RBFOX1: variants seen among roughly 807,000 people sequenced by gnomAD.
The protein encoded by RBFOX1 is RNA binding fox-1 homolog 1.
RBFOX1 carries 8 observed loss-of-function variants against 57.7 expected under a neutral mutation model. The ratio of observed to expected loss-of-function variants is 0.14; its 90% CI spans 0.08 to 0.25. The LOEUF is 0.25. RBFOX1 is among the 10% of genes least tolerant of loss of function. The pLI is 1.00. For synonymous variants in RBFOX1, 326 were observed against 222.4 expected, an observed-to-expected ratio of 1.47 and a Z score of -4.15; for missense variants, 611 against 548.5, an observed-to-expected ratio of 1.11 and a Z score of -1.14.
chr16:5,711,860 G>T (rs754066365), intron 3 of RBFOX1, among the ~76,000 whole-genome samples: 3 of 152,200 alleles, frequency 2.0e-5, no homozygotes, highest in Non-Finnish European at 4.4e-5. Context: ...GACAAAAATA[G>T]TAACAGCCTC....
chr16:5,833,494 CAA>C (rs1183168830), intron 3 of RBFOX1, among the ~76,000 whole-genome samples: 17 of 59,544 alleles, frequency 2.9e-4, no homozygotes, highest in South Asian at 1.2e-3. Context: ...GACTCTATCT[CAA>C]AAAAAAAAAA....
At chr16:5,943,838 C>G (rs746877430) in intron 4 of RBFOX1, among the ~76,000 whole-genome samples, 30 of 151,982 alleles carry the variant, frequency 2.0e-4, no homozygotes, top group Non-Finnish European at 3.8e-4. Flanking sequence ...TCGACCCACC[C>G]ATTTATCCAC....
chr16:6,753,600 C>G lies in RBFOX1; in HGVS notation c.-16+98950C>G, dbSNP rs553520751. ...GTGCAATTTCATCTCTTCATCAACT[C>G]CTGTAAGTAGAACCAGCAACAGAGC... On this transcript the variant is annotated intron_variant, in intron 3 of 15. Transcript: ENST00000550418. Among the ~76,000 whole-genome samples the G allele has an allele frequency of 1.3e-5, 2 of 152,272 alleles. 1 individual carries two copies. The highest frequency in any genetic ancestry group is 2.9e-5 in the Non-Finnish European group (2 of 68,024).
At chr16:7,709,587 T>C in intron 15 of RBFOX1, 1 of 1,530,452 alleles carries the variant, frequency 6.5e-7, no homozygotes, top group Admixed American at 2.0e-5. Flanking sequence ...TGACTGCCTC[T>C]CCTCCCCTAT....
intron 4 of RBFOX1, among the ~76,000 whole-genome samples, chr16:7,118,193 T>C (rs1277522589): frequency 6.6e-6 from 1 of 152,176 alleles, no homozygotes; most frequent in Non-Finnish European, 1.5e-5. Flanking sequence ...TGTGCTAATT[T>C]ACATTCCCAC....
chr16:6,902,589 G>A (rs552857715), intron 3 of RBFOX1, among the ~76,000 whole-genome samples: 1 of 152,232 alleles, frequency 6.6e-6, no homozygotes, highest in African/African-American at 2.4e-5. Flanking sequence ...AAGTATGGTG[G>A]CACACACCTG....
chr16:6,022,074 A>G (rs536152611), intron 1 of RBFOX1, among the ~76,000 whole-genome samples: 2 of 152,246 alleles, frequency 1.3e-5, no homozygotes, highest in East Asian at 1.9e-4. Context: ...GCATGTTCCA[A>G]GGAGGATCAC....
intron 1 of RBFOX1, among the ~76,000 whole-genome samples, chr16:6,287,949 C>G (rs990140676): frequency 6.6e-6 from 1 of 152,094 alleles, no homozygotes; most frequent in African/African-American, 2.4e-5. Flanking sequence ...TGATATCTTG[C>G]TAAAGAAAAA....
intron 1 of RBFOX1, among the ~76,000 whole-genome samples, chr16:5,414,289 C>T (rs982765382): frequency 6.6e-6 from 1 of 152,174 alleles, no homozygotes; most frequent in African/African-American, 2.4e-5. Flanking sequence ...ACAAGTCTCT[C>T]TCCCAGTTAT....
chr16:6,304,264 G>A (rs1327186661), intron 1 of RBFOX1, among the ~76,000 whole-genome samples: 1 of 151,760 alleles, frequency 6.6e-6, no homozygotes, highest in Non-Finnish European at 1.5e-5. Flanking sequence ...CTTCAGCCTG[G>A]GAAATACAGT....
At chr16:6,959,975 C>T (rs146519817) in intron 3 of RBFOX1, among the ~76,000 whole-genome samples, 270 of 152,158 alleles carry the variant, frequency 1.8e-3, no homozygotes, top group African/African-American at 6.1e-3. Flanking sequence ...AAAGCCAGTG[C>T]CCTTAAACAA....
At chr16:6,694,653 C>T (rs2060745030) in intron 3 of RBFOX1, among the ~76,000 whole-genome samples, 1 of 152,124 alleles carries the variant, frequency 6.6e-6, no homozygotes, top group South Asian at 2.1e-4. Context: ...TTATCATGGC[C>T]ATTGTTTTTC....
intron 1 of RBFOX1, among the ~76,000 whole-genome samples, chr16:5,362,757 A>G (rs2065590338): frequency 6.6e-6 from 1 of 151,802 alleles, no homozygotes; most frequent in African/African-American, 2.4e-5. Flanking sequence ...TGTGTGTTTG[A>G]CTGTTAGAGA....
chr16:5,949,453 G>C (rs1033012301), intron 4 of RBFOX1, among the ~76,000 whole-genome samples: 1 of 146,832 alleles, frequency 6.8e-6, no homozygotes, highest in African/African-American at 2.5e-5. Context: ...GTGAACCCGG[G>C]AGGCAGAGCT....
At chr16:7,548,541 G>T (rs541898141) in intron 5 of RBFOX1, among the ~76,000 whole-genome samples, 11 of 152,204 alleles carry the variant, frequency 7.2e-5, no homozygotes, top group Non-Finnish European at 1.3e-4. Context: ...ATCCCTCAAG[G>T]AACTCATCCT....
At chr16:5,267,599 C>T (rs1482476109) in intron 1 of RBFOX1, among the ~76,000 whole-genome samples, 1 of 152,074 alleles carries the variant, frequency 6.6e-6, no homozygotes, top group African/African-American at 2.4e-5. Flanking sequence ...TGCCTGGGCC[C>T]ACACATAAGG....
At chr16:7,450,592 C>T (rs1014375689) in intron 4 of RBFOX1, among the ~76,000 whole-genome samples, 3 of 152,038 alleles carry the variant, frequency 2.0e-5, no homozygotes, top group African/African-American at 4.8e-5. Context: ...AGGAAAAGAG[C>T]GTTAATGTGA....
intron 3 of RBFOX1, among the ~76,000 whole-genome samples, chr16:5,866,229 A>G (rs111622963): frequency 0.022 from 3,386 of 152,222 alleles, 52 homozygotes; most frequent in Middle Eastern, 0.048. Context: ...TCGGCCTCCC[A>G]AAGTTCTGGG....
At chr16:7,698,770 G>A (rs1018163476) in intron 14 of RBFOX1, among the ~76,000 whole-genome samples, 5 of 152,052 alleles carry the variant, frequency 3.3e-5, no homozygotes, top group African/African-American at 7.2e-5. Flanking sequence ...GGAGCTAAGG[G>A]GCCATATAAG....
Sources: allele counts gnomAD v4.1 joint callset (sites outside exome capture counted in the v4.1 genomes callset), GRCh38; gene constraint gnomAD v4.1.1; transcripts MANE v1.5; gene names NCBI Gene and HGNC (gene_info 2026-07-23, HGNC 2026-07-21).